The following RALGPS2 variants were observed in gnomAD, a reference collection of about 807,000 sequenced individuals.
RALGPS2 encodes Ral GEF with PH domain and SH3 binding motif 2, also known as ras-specific guanine nucleotide-releasing factor RalGPS2.
Under a neutral mutation model 86.8 loss-of-function variants are expected in RALGPS2, and 43 were observed. The ratio of observed to expected loss-of-function variants is 0.50; its 90% confidence interval spans 0.39 to 0.64. RALGPS2 has a LOEUF of 0.64. RALGPS2 is among the 30% of genes least tolerant of loss of function. The probability of loss-of-function intolerance (pLI) is 0.00; values close to 1 mark genes in which losing one functional copy is unlikely to be tolerated. For synonymous variants in RALGPS2, 243 were observed against 231.3 expected (o/e 1.05, Z -0.46); for missense variants, 536 against 694.6 (o/e 0.77, Z 2.57).
At chr1:178,771,675 C>G (rs1652819057) in intron 1 of RALGPS2, among the ~76,000 whole-genome samples, 1 of 151,876 alleles carries the variant, frequency 6.6e-6, no homozygotes, top group Non-Finnish European at 1.5e-5. Flanking sequence ...TAAAAATATA[C>G]AGGTAAGCTA....
intron 18 of RALGPS2, among the ~76,000 whole-genome samples, chr1:178,903,841 A>T (rs1256559254): frequency 1.3e-5 from 2 of 152,056 alleles, no homozygotes; most frequent in Non-Finnish European, 2.9e-5. Flanking sequence ...TCATATAATG[A>T]CTTCTTTTCC....
intron 8 of RALGPS2, among the ~76,000 whole-genome samples, chr1:178,874,037 T>C (rs1313917355): frequency 6.6e-6 from 1 of 152,104 alleles, no homozygotes; most frequent in Non-Finnish European, 1.5e-5. Flanking sequence ...TTACAAATAC[T>C]ATTATTTAAT....
Position 178,902,004 on chromosome 1 carries a change from T to C in RALGPS2, c.1525-102T>C, listed in dbSNP as rs1660197567. ...GACCAGCATGAAGTCACAAATCTCATCTTTCATTAGGAGAAACTGAAAATA... is the reference window on the plus strand; with the variant it reads ...GACCAGCATGAAGTCACAAATCTCACCTTTCATTAGGAGAAACTGAAAATA... On this transcript the variant is annotated intron_variant, in intron 17 of 19. Coordinates refer to ENST00000367635, the MANE Select transcript of RALGPS2 (RefSeq NM_152663.5). 8.7e-6 allele frequency: 7 copies of C among 806,094 alleles called. No individual in the cohort carries two copies. In the South Asian group the frequency reaches 1.2e-4, roughly 14 times the overall value. 49.9% of individuals were successfully genotyped at this position (806,094 alleles called of 1,614,324 possible).
intron 14 of RALGPS2, 29 bp downstream of exon 14, chr1:178,889,725 T>A: frequency 6.5e-7 from 1 of 1,532,530 alleles, no homozygotes; most frequent in Non-Finnish European, 9.0e-7. Flanking sequence ...TTGAACTACT[T>A]GGAGTTTATT....
intron 1 of RALGPS2, among the ~76,000 whole-genome samples, chr1:178,742,090 C>A (rs561425803): frequency 2.1e-5 from 3 of 145,432 alleles, no homozygotes; most frequent in African/African-American, 7.7e-5. Flanking sequence ...GAGCTGAGAT[C>A]GTGCCGCTGC....
intron 8 of RALGPS2, chr1:178,851,444 A>G (rs992514759): frequency 1.3e-6 from 1 of 781,806 alleles, no homozygotes; most frequent in African/African-American, 1.8e-5. Flanking sequence ...TTATCTCAGC[A>G]GTTTTAAATG....
At chr1:178,789,433 A>G (rs901373739) in intron 4 of RALGPS2, among the ~76,000 whole-genome samples, 5 of 152,256 alleles carry the variant, frequency 3.3e-5, no homozygotes, top group Non-Finnish European at 7.3e-5. Flanking sequence ...TGTAGTTGAT[A>G]TTCTCTGGGA....
intron 19 of RALGPS2, 127 bp from the exon 20 acceptor site, chr1:178,916,203 A>C: frequency 1.4e-6 from 1 of 701,260 alleles, no homozygotes; most frequent in South Asian, 1.9e-5. Flanking sequence ...GAAGCTCCTT[A>C]TATCAAGTTC....
chr1:178,765,559 G>A (rs949367293), intron 1 of RALGPS2, among the ~76,000 whole-genome samples: 43 of 152,242 alleles, frequency 2.8e-4, no homozygotes, highest in African/African-American at 8.7e-4. Context: ...ATGAAGTTTC[G>A]GGCACGCATT....
intron 10 of RALGPS2, among the ~76,000 whole-genome samples, chr1:178,881,617 A>G (rs1351537274): frequency 6.6e-6 from 1 of 151,948 alleles, no homozygotes; most frequent in Non-Finnish European, 1.5e-5. Context: ...TGCCCGGCTA[A>G]TTTTTGTATT....
chr1:178,854,882 C>G (rs981141048), intron 8 of RALGPS2, among the ~76,000 whole-genome samples: 3 of 152,158 alleles, frequency 2.0e-5, no homozygotes, highest in African/African-American at 7.2e-5. Context: ...GACTCTTGAA[C>G]TTGAGATTTC....
intron 1 of RALGPS2, among the ~76,000 whole-genome samples, chr1:178,745,232 T>G (rs1475254927): frequency 2.6e-5 from 4 of 152,202 alleles, no homozygotes; most frequent in African/African-American, 9.7e-5. Context: ...CAGCAGGCTT[T>G]CTTTTTTGGC....
chr1:178,757,085 T>A (rs1651995898), intron 1 of RALGPS2, among the ~76,000 whole-genome samples: 1 of 152,232 alleles, frequency 6.6e-6, no homozygotes, highest in Non-Finnish European at 1.5e-5. Flanking sequence ...GGAATTGTGT[T>A]CTTGATTTGG....
At chr1:178,744,817 CA>C (rs148175568) in intron 1 of RALGPS2, among the ~76,000 whole-genome samples, 14,161 of 65,850 alleles carry the variant, frequency 0.22, 647 homozygotes, top group African/African-American at 0.3. Flanking sequence ...GACTCCATCT[CA>C]AAAAAAAAAA....
intron 8 of RALGPS2, among the ~76,000 whole-genome samples, chr1:178,849,080 C>T (rs964494755): frequency 1.3e-5 from 2 of 152,146 alleles, no homozygotes; most frequent in Non-Finnish European, 2.9e-5. Context: ...TAATGTTTTA[C>T]CTGTATTAAC....
intron 1 of RALGPS2, among the ~76,000 whole-genome samples, chr1:178,745,164 C>T (rs1295245044): frequency 6.6e-6 from 1 of 152,134 alleles, no homozygotes; most frequent in Non-Finnish European, 1.5e-5. Context: ...GGTGAGAAGA[C>T]TCGTTGCTAA....
chr1:178,757,494 A>G (rs1652014940), intron 1 of RALGPS2, among the ~76,000 whole-genome samples: 1 of 152,016 alleles, frequency 6.6e-6, no homozygotes, highest in Non-Finnish European at 1.5e-5. Context: ...GAGGGTTTTT[A>G]TCATAAGGGA....
At chr1:178,815,042 C>T (rs1355193728) in intron 6 of RALGPS2, among the ~76,000 whole-genome samples, 1 of 151,754 alleles carries the variant, frequency 6.6e-6, no homozygotes, top group Non-Finnish European at 1.5e-5. Flanking sequence ...TGGTATTGGT[C>T]TTTTATTGTG....
intron 1 of RALGPS2, among the ~76,000 whole-genome samples, chr1:178,776,039 G>A (rs557816299): frequency 6.6e-6 from 1 of 151,582 alleles, no homozygotes; most frequent in East Asian, 1.9e-4. Context: ...ACTGTATTAA[G>A]TATTATGAGT....
Sources: allele counts gnomAD v4.1 joint callset (sites outside exome capture counted in the v4.1 genomes callset), GRCh38; gene constraint gnomAD v4.1.1; transcripts MANE v1.5; gene names NCBI Gene and HGNC (gene_info 2026-07-23, HGNC 2026-07-21).